The following MAST2 variants were observed in gnomAD, a reference collection of about 807,000 sequenced individuals.
The protein encoded by MAST2 is microtubule-associated serine/threonine-protein kinase 2.
Under a neutral mutation model 147.4 loss-of-function variants are expected in MAST2, and 70 were observed. The ratio of observed to expected loss-of-function variants is 0.47; its 90% CI spans 0.39 to 0.58. The LOEUF (loss-of-function observed/expected upper bound fraction) is 0.58, where lower values mean the gene tolerates loss of function less well. Among genes scored for constraint, MAST2 ranks in the 20% least tolerant of loss-of-function variants. The probability of loss-of-function intolerance (pLI) is 0.00; values close to 1 mark genes in which losing one functional copy is unlikely to be tolerated. For missense variants in MAST2, 2,080 were observed against 2,302.3 expected (o/e 0.90, Z 1.98); for synonymous variants, 869 against 896.8 (o/e 0.97, Z 0.55).
At chr1:45,937,544 G>T (rs191789361) in intron 4 of MAST2, among the ~76,000 whole-genome samples, 2 of 151,954 alleles carry the variant, frequency 1.3e-5, no homozygotes, top group Non-Finnish European at 2.9e-5. Context: ...CAGGTCAGGG[G>T]TTCGAGACCA....
intron 4 of MAST2, among the ~76,000 whole-genome samples, chr1:45,937,043 T>G (rs1291005553): frequency 0.017 from 1 of 60 alleles, no homozygotes; most frequent in Non-Finnish European, 0.25. Flanking sequence ...ATGCCTGGGC[T>G]TTTTTTTTTT....
intron 17 of MAST2, among the ~76,000 whole-genome samples, 166 bp from the exon 18 acceptor site, chr1:46,028,602 C>T (rs955811758): frequency 1.3e-5 from 2 of 152,144 alleles, no homozygotes; most frequent in African/African-American, 2.4e-5. Flanking sequence ...CTGACAGTTC[C>T]GACTCTTGTT....
At chr1:45,942,914 A>G (rs1423381583) in intron 4 of MAST2, among the ~76,000 whole-genome samples, 1 of 152,204 alleles carries the variant, frequency 6.6e-6, no homozygotes, top group Non-Finnish European at 1.5e-5. Context: ...GTCTTTAGCC[A>G]AAGTGGCATA....
intron 4 of MAST2, among the ~76,000 whole-genome samples, chr1:45,933,305 G>A (rs922410782): frequency 2.0e-5 from 3 of 151,626 alleles, no homozygotes; most frequent in Non-Finnish European, 4.4e-5. Flanking sequence ...CACTGCTCCC[G>A]GGAAATGTAT....
intron 4 of MAST2, among the ~76,000 whole-genome samples, chr1:45,939,327 A>G (rs866848820): frequency 3.3e-5 from 5 of 152,146 alleles, no homozygotes; most frequent in Admixed American, 2.0e-4. Flanking sequence ...ACAAGTGTTA[A>G]CAGTTTATTT....
At chr1:45,953,358 C>A (rs949248243) in intron 4 of MAST2, among the ~76,000 whole-genome samples, 3 of 152,290 alleles carry the variant, frequency 2.0e-5, no homozygotes, top group Non-Finnish European at 4.4e-5. Flanking sequence ...TGACTACCTG[C>A]TTCTGTGGAA....
At position 45,811,338 on chromosome 1, in the gene MAST2, A is replaced by ATTTTT. The variant is rs57495413; in HGVS notation, c.177+7280_177+7284dup. Reference sequence around the variant, plus strand: ...GCCCAGCTAATTTTTGTATTTTTGTATTTTTTTTTTTTTTTTTTGAGACGG... The same window carrying ATTTTT: ...GCCCAGCTAATTTTTGTATTTTTGTATTTTTTTTTTTTTTTTTTTTTTTGAGACGG... On this transcript the variant is annotated intron_variant, in intron 1 of 28. Transcript: ENST00000361297. Among the ~76,000 whole-genome samples, 2 of 113,002 alleles carry ATTTTT rather than the reference A, an allele frequency of 1.8e-5. 1 individual carries two copies. The highest frequency in any genetic ancestry group is 3.4e-5 in the Non-Finnish European group (2 of 58,004). 74.1% of individuals were successfully genotyped at this position (113,002 alleles called of 152,430 possible). A position where few individuals can be genotyped will look rare whatever the true frequency, so the allele number is the denominator to read the frequency against.
intron 5 of MAST2, among the ~76,000 whole-genome samples, chr1:45,965,233 G>T (rs951042281): frequency 1.1e-4 from 17 of 152,276 alleles, no homozygotes; most frequent in African/African-American, 3.9e-4. Flanking sequence ...TGTCTATTAG[G>T]TCCACTTGGT....
chr1:45,983,183 C>G (rs1209475876), intron 5 of MAST2, among the ~76,000 whole-genome samples: 3 of 152,060 alleles, frequency 2.0e-5, no homozygotes, highest in Non-Finnish European at 4.4e-5. Context: ...TGAATCAGCT[C>G]TAAAAATCCT....
chr1:45,860,528 C>T (rs1171556881), intron 3 of MAST2, among the ~76,000 whole-genome samples: 1 of 151,936 alleles, frequency 6.6e-6, no homozygotes, highest in Non-Finnish European at 1.5e-5. Flanking sequence ...TTCTATAATC[C>T]AGTATACATC....
At position 45,900,173 on chromosome 1, in the gene MAST2, C is replaced by CAAAAAAAAAAAAAAAA. The variant is rs59051138; in HGVS notation, c.500+17785_500+17800dup. 2.1e-3 allele frequency among the ~76,000 whole-genome samples: 116 copies of CAAAAAAAAAAAAAAAA among 54,086 alleles called. 15 individuals carry two copies. The highest frequency in any genetic ancestry group is 0.01 in the African/African-American group (115 of 11,374). The allele number at this position is 54,086 out of a possible 152,430, so 35.5% of individuals were successfully genotyped here. A position where few individuals can be genotyped will look rare whatever the true frequency, so the allele number is the denominator to read the frequency against. On this transcript the variant is annotated intron_variant, in intron 4 of 28. Coordinates refer to ENST00000361297, the MANE Select transcript of MAST2 (RefSeq NM_015112.3). Reference sequence around the variant, plus strand: ...CGACAGAGCGAGACTCTCTCTCTCTCAAAAAAAAAAAAAAAAAAAAAAGAT... The same window carrying CAAAAAAAAAAAAAAAA: ...CGACAGAGCGAGACTCTCTCTCTCTCAAAAAAAAAAAAAAAAAAAAAAAAAAAAAAAAAAAAAAGAT...
At chr1:45,882,454 G>T in intron 4 of MAST2, 59 bp downstream of exon 4, 1 of 1,304,488 alleles carries the variant, frequency 7.7e-7, no homozygotes, top group South Asian at 1.2e-5. Flanking sequence ...CCCCTCTTGG[G>T]AACATTTCCC....
At chr1:45,969,156 C>T (rs1448370612) in intron 5 of MAST2, among the ~76,000 whole-genome samples, 1 of 152,184 alleles carries the variant, frequency 6.6e-6, no homozygotes, top group Non-Finnish European at 1.5e-5. Flanking sequence ...CTAGTCTGAT[C>T]ATTGCAACAT....
chr1:45,978,641 C>T (rs1029580746), intron 5 of MAST2, among the ~76,000 whole-genome samples: 1 of 152,174 alleles, frequency 6.6e-6, no homozygotes, highest in African/African-American at 2.4e-5. Flanking sequence ...ATAAGTGCTG[C>T]TGGTGAGTGT....
intron 4 of MAST2, among the ~76,000 whole-genome samples, chr1:45,901,854 T>A (rs1317659052): frequency 6.6e-6 from 1 of 152,204 alleles, no homozygotes; most frequent in Non-Finnish European, 1.5e-5. Context: ...ACTAAAATTG[T>A]TTATTGGGTC....
intron 3 of MAST2, among the ~76,000 whole-genome samples, chr1:45,849,323 C>T (rs997074229): frequency 1.3e-5 from 2 of 152,136 alleles, no homozygotes; most frequent in Non-Finnish European, 2.9e-5. Context: ...CGTTACCCAA[C>T]TTCAAACTGT....
intron 4 of MAST2, among the ~76,000 whole-genome samples, chr1:45,893,655 A>G (rs955658745): frequency 2.0e-5 from 3 of 152,072 alleles, no homozygotes; most frequent in Non-Finnish European, 4.4e-5. Context: ...AATCTGGCAG[A>G]GTTCTGTCAG....
chr1:45,993,481 C>T (rs898638817), intron 5 of MAST2, among the ~76,000 whole-genome samples: 1 of 151,956 alleles, frequency 6.6e-6, no homozygotes, highest in Non-Finnish European at 1.5e-5. Flanking sequence ...GTCAGGAGTT[C>T]GAGACCAGCC....
intron 5 of MAST2, among the ~76,000 whole-genome samples, chr1:45,964,777 C>A (rs1487573834): frequency 1.3e-5 from 2 of 152,004 alleles, no homozygotes; most frequent in Non-Finnish European, 2.9e-5. Context: ...AATGTGTTTG[C>A]TCTTGCTTTT....
Sources: gnomAD v4.1 joint callset for allele counts (sites outside exome capture counted in the v4.1 genomes callset) on GRCh38, gnomAD v4.1.1 for gene constraint, MANE v1.5 for transcripts, NCBI Gene and HGNC (gene_info 2026-07-23, HGNC 2026-07-21) for gene names.